STXBP5L: variants seen among roughly 807,000 people sequenced by gnomAD.
The protein encoded by STXBP5L is syntaxin binding protein 5L.
Under a neutral mutation model 144.5 loss-of-function variants are expected in STXBP5L, and 65 were observed. The observed-to-expected ratio is 0.45, with a 90% CI of 0.37 to 0.55. The LOEUF (loss-of-function observed/expected upper bound fraction) is 0.55, where lower values mean the gene tolerates loss of function less well. STXBP5L is among the 20% of genes least tolerant of loss of function. The pLI is 0.00. For synonymous variants in STXBP5L, 505 were observed against 469.6 expected, an observed-to-expected ratio of 1.08 and a Z score of -0.97; for missense variants, 1,298 against 1,405.5, an observed-to-expected ratio of 0.92 and a Z score of 1.22.
chr3:121,283,406 AC>A (rs1175896158), intron 19 of STXBP5L, among the ~76,000 whole-genome samples: 3 of 151,750 alleles, frequency 2.0e-5, no homozygotes, highest in Non-Finnish European at 4.4e-5. Context: ...CTAGCAGAGC[AC>A]CCCCTTTTAG....
chr3:121,019,852 G>A (rs1208343253), intron 3 of STXBP5L, among the ~76,000 whole-genome samples: 1 of 152,038 alleles, frequency 6.6e-6, no homozygotes, highest in Non-Finnish European at 1.5e-5. Flanking sequence ...CCGGTAATAT[G>A]ACAAAACAAG....
At chr3:121,374,166 A>G (rs1368464014) in intron 20 of STXBP5L, among the ~76,000 whole-genome samples, 3 of 152,282 alleles carry the variant, frequency 2.0e-5, no homozygotes, top group South Asian at 4.2e-4. Flanking sequence ...ACTGCAGCCT[A>G]TGCCACTAAG....
rs35583909 is a variant in STXBP5L at position 121,173,323 on chromosome 3, TATAATA to T, written c.877+15720_877+15725del. Among the ~76,000 whole-genome samples, 350 of 146,498 alleles carry T rather than the reference TATAATA, an allele frequency of 2.4e-3. 3 individuals carry two copies. The highest frequency in any genetic ancestry group is 6.3e-3 in the Admixed American group (92 of 14,652). ...TGTGCATTTATCCCAGAACTTAAAA[TATAATA>T]ATAATAATAATAATAATAATAATGA... is the stretch of plus-strand genomic sequence containing the variant. On this transcript the variant is annotated intron_variant, in intron 9 of 26. Transcript: ENST00000471454.
intron 2 of STXBP5L, among the ~76,000 whole-genome samples, chr3:120,934,527 T>A (rs892003462): frequency 2.0e-5 from 3 of 152,134 alleles, no homozygotes; most frequent in Non-Finnish European, 4.4e-5. Flanking sequence ...GATGGTACTT[T>A]TAACTTTTAC....
chr3:121,126,981 T>C (rs2044733096), intron 7 of STXBP5L, among the ~76,000 whole-genome samples: 1 of 152,090 alleles, frequency 6.6e-6, no homozygotes, highest in Non-Finnish European at 1.5e-5. Flanking sequence ...TCTTCACTTT[T>C]ATAAAATATT....
chr3:121,320,086 G>T (rs973068719), intron 20 of STXBP5L, among the ~76,000 whole-genome samples: 3 of 152,066 alleles, frequency 2.0e-5, no homozygotes, highest in African/African-American at 4.8e-5. Context: ...TTTTTATTAT[G>T]ATTTCACTGG....
chr3:121,043,838 G>A (rs1467384136), intron 4 of STXBP5L, among the ~76,000 whole-genome samples: 2 of 152,142 alleles, frequency 1.3e-5, no homozygotes, highest in African/African-American at 4.8e-5. Context: ...CTTCTGTATA[G>A]CATGTAACTA....
chr3:121,371,046 G>T (rs1198356611), intron 20 of STXBP5L, among the ~76,000 whole-genome samples: 2 of 152,192 alleles, frequency 1.3e-5, no homozygotes, highest in Non-Finnish European at 2.9e-5. Flanking sequence ...ACTCTTGCTG[G>T]AGAACTAATG....
intron 19 of STXBP5L, chr3:121,282,170 C>G: frequency 3.9e-6 from 4 of 1,037,580 alleles, no homozygotes; most frequent in Non-Finnish European, 4.4e-6. Flanking sequence ...CTTGGCTGTT[C>G]TAGATTCTGG....
intron 9 of STXBP5L, among the ~76,000 whole-genome samples, chr3:121,196,929 C>T (rs898669244): frequency 2.7e-4 from 41 of 152,212 alleles, no homozygotes; most frequent in African/African-American, 9.9e-4. Context: ...GCAATCTTTC[C>T]ACCCCAGCCT....
chr3:121,323,823 C>T (rs1323079688), intron 20 of STXBP5L, among the ~76,000 whole-genome samples: 1 of 152,060 alleles, frequency 6.6e-6, no homozygotes, highest in Non-Finnish European at 1.5e-5. Context: ...TAACAATCAG[C>T]CCTAGCTTCA....
intron 3 of STXBP5L, among the ~76,000 whole-genome samples, chr3:120,996,753 C>G (rs1326871012): frequency 3.3e-5 from 5 of 152,094 alleles, no homozygotes; most frequent in Non-Finnish European, 7.4e-5. Context: ...TTAATATCCT[C>G]CACATTCATC....
chr3:121,260,788 G>A (rs938638675), intron 18 of STXBP5L, among the ~76,000 whole-genome samples: 2 of 152,056 alleles, frequency 1.3e-5, no homozygotes, highest in Non-Finnish European at 2.9e-5. Context: ...GAAACCATCA[G>A]TAAGGAGTCC....
chr3:121,148,908 G>A (rs2045827193), intron 7 of STXBP5L, among the ~76,000 whole-genome samples: 1 of 152,018 alleles, frequency 6.6e-6, no homozygotes, highest in Non-Finnish European at 1.5e-5. Flanking sequence ...TTTTAATAAT[G>A]AAATTAAATT....
At chr3:120,960,202 C>G (rs1938593002) in intron 3 of STXBP5L, among the ~76,000 whole-genome samples, 1 of 152,302 alleles carries the variant, frequency 6.6e-6, no homozygotes, top group African/African-American at 2.4e-5. Flanking sequence ...ATCAAAACCA[C>G]AATGAGATAC....
rs574954108 is a variant in STXBP5L, at chr3:121,141,415, T to C, written c.670-11062T>C. 5.4e-5 allele frequency among the ~76,000 whole-genome samples: 8 copies of C among 147,624 alleles called. No individual in the cohort carries two copies. In the East Asian group the frequency reaches 1.6e-3, roughly 29 times the overall value. On this transcript the variant is annotated intron_variant, in intron 7 of 26. Coordinates refer to ENST00000471454, the MANE Select transcript of STXBP5L (RefSeq NM_001308330.2). Reference sequence around the variant, plus strand: ...TGAAACTCTGTCTCAAAAAAAAAAATGTGTAAAACTTATTGCTAAGGGTAA... The same window carrying C: ...TGAAACTCTGTCTCAAAAAAAAAAACGTGTAAAACTTATTGCTAAGGGTAA...
At chr3:121,108,572 A>T (rs939113843) in intron 5 of STXBP5L, among the ~76,000 whole-genome samples, 5 of 152,118 alleles carry the variant, frequency 3.3e-5, no homozygotes, top group Non-Finnish European at 5.9e-5. Context: ...AGCCAGCTTG[A>T]TCGTGGTAGA....
chr3:121,408,012 T>C (rs1033875883), intron 23 of STXBP5L, among the ~76,000 whole-genome samples: 6 of 152,026 alleles, frequency 3.9e-5, no homozygotes, highest in Non-Finnish European at 5.9e-5. Flanking sequence ...CCAAGAAATT[T>C]ACATACAGAG....
intron 22 of STXBP5L, among the ~76,000 whole-genome samples, chr3:121,400,086 G>A (rs1260188417): frequency 6.6e-6 from 1 of 152,330 alleles, no homozygotes; most frequent in East Asian, 1.9e-4. Flanking sequence ...GCTCCCAGAA[G>A]GCCCTCTGCT....
Sources: gnomAD v4.1 joint callset for allele counts (sites outside exome capture counted in the v4.1 genomes callset) on GRCh38, gnomAD v4.1.1 for gene constraint, MANE v1.5 for transcripts, NCBI Gene and HGNC (gene_info 2026-07-23, HGNC 2026-07-21) for gene names.